Variants in DENND2B observed in about 807,000 individuals in gnomAD.
DENND2B encodes the protein DENN domain-containing protein 2B.
A neutral mutation model predicts 116.0 loss-of-function variants in DENND2B; 32 were observed. That is an observed-to-expected ratio of 0.28 (90% confidence interval 0.21 to 0.37). DENND2B has a LOEUF of 0.37. Among genes scored for constraint, DENND2B ranks in the 10% least tolerant of loss-of-function variants. The pLI is 1.00. For missense variants in DENND2B, 1,276 were observed against 1,477.7 expected, an observed-to-expected ratio of 0.86 and a Z score of 2.24; for synonymous variants, 588 against 583.9, an observed-to-expected ratio of 1.01 and a Z score of -0.10.
At chr11:8,859,683 C>T (rs2063329828) in intron 2 of DENND2B, among the ~76,000 whole-genome samples, 1 of 152,176 alleles carries the variant, frequency 6.6e-6, no homozygotes, top group African/African-American at 2.4e-5. Context: ...ACTATACTTC[C>T]TTTTAAAACA....
At chr11:8,771,661 C>T (rs1474439196) in intron 1 of DENND2B, 1 of 151,274 alleles carries the variant, frequency 6.6e-6, no homozygotes, top group East Asian at 2.0e-4. Context: ...CATAACAAGT[C>T]CCTCTACCAT....
At chr11:8,861,963 G>A (rs2063406526) in intron 2 of DENND2B, among the ~76,000 whole-genome samples, 1 of 151,976 alleles carries the variant, frequency 6.6e-6, no homozygotes, top group Non-Finnish European at 1.5e-5. Flanking sequence ...TCACTTATAG[G>A]TGGGAGCTAA....
intron 1 of DENND2B, among the ~76,000 whole-genome samples, chr11:8,751,578 G>A (rs1244248001): frequency 6.7e-6 from 1 of 148,360 alleles, no homozygotes; most frequent in Non-Finnish European, 1.5e-5. Flanking sequence ...CTACCAGAAG[G>A]AAAAAACTCC....
At chr11:8,865,442 C>CA (rs1351003127) in intron 2 of DENND2B, among the ~76,000 whole-genome samples, 1 of 152,018 alleles carries the variant, frequency 6.6e-6, no homozygotes, top group Non-Finnish European at 1.5e-5. Flanking sequence ...AAACACAAAG[C>CA]AACAAGTATA....
At chr11:8,837,732 G>A (rs979384648) in intron 4 of DENND2B, among the ~76,000 whole-genome samples, 1 of 152,040 alleles carries the variant, frequency 6.6e-6, no homozygotes, top group Admixed American at 6.6e-5. Flanking sequence ...CCACCCTCAG[G>A]GTACAAGAAT....
intron 2 of DENND2B, among the ~76,000 whole-genome samples, chr11:8,870,505 G>GTGTA (rs920589844): frequency 1.5e-5 from 2 of 134,420 alleles, no homozygotes; most frequent in African/African-American, 5.1e-5. Context: ...TGTTGTGCGT[G>GTGTA]TGTATGTGTG....
In DENND2B at chr11:8,730,825, G is replaced by A. The variant is rs1393846176; in HGVS notation, c.465C>T (p.Thr155=). The change falls in exon 3 of 20, where the codon ACC becomes ACT. Residue 155 remains threonine (T), a synonymous_variant. Coordinates refer to ENST00000313726, the MANE Select transcript of DENND2B (RefSeq NM_213618.2). The surrounding 1 kb of genome is among the most constrained non-coding windows in gnomAD (Gnocchi z 4.1). The part of the protein sequence containing the change: ...AGPRGVLLTR[T]GTRAHSLGIR... ...TGCCCAGGCTGTGGGCGCGGGTACC[G>A]GTACGGGTCAGCAAGACGCCCCGGG... is the stretch of plus-strand genomic sequence containing the variant. 3 of 1,613,202 alleles carry A rather than the reference G, an allele frequency of 1.9e-6. No individual in the cohort carries two copies. Among genetic ancestry groups the A allele is most frequent in the Admixed American group, 1.7e-5 (1 of 60,028 alleles).
intron 1 of DENND2B, among the ~76,000 whole-genome samples, chr11:8,759,944 T>C (rs1195025999): frequency 6.6e-6 from 1 of 152,188 alleles, no homozygotes; most frequent in African/African-American, 2.4e-5. Context: ...CTTCTCCGCA[T>C]GGGACTTCAA....
chr11:8,699,773 CCACAT>C lies in DENND2B; in HGVS notation c.2721-388_2721-384del. ...CAGATCGTGGGTACCCTCTCCCACC[CCACAT>C]CAGAACTAGGCAAGAGGGACAAAGA... On this transcript the variant is annotated intron_variant, in intron 14 of 19. Transcript: ENST00000313726. 5 of 443,336 alleles carry C rather than the reference CCACAT, an allele frequency of 1.1e-5. No homozygotes were observed. In the Admixed American group the frequency reaches 1.2e-4, roughly 11 times the overall value. The allele number at this position is 443,336 out of a possible 1,614,324, so 27.5% of individuals were successfully genotyped here.
chr11:8,902,305 GAC>G (rs1228834872), intron 1 of DENND2B, among the ~76,000 whole-genome samples: 1 of 144,956 alleles, frequency 6.9e-6, no homozygotes, highest in Non-Finnish European at 1.5e-5. Context: ...CAGTGTAGGT[GAC>G]AGAGTGAGAC....
At chr11:8,869,718 G>T (rs2063711456) in intron 2 of DENND2B, among the ~76,000 whole-genome samples, 1 of 151,932 alleles carries the variant, frequency 6.6e-6, no homozygotes, top group South Asian at 2.1e-4. Flanking sequence ...AAAAAGGAGG[G>T]TTACATCTAT....
upstream of DENND2B, chr11:8,810,977 G>T (rs1356858232): frequency 2.3e-5 from 6 of 261,430 alleles, no homozygotes; most frequent in Admixed American, 5.4e-5. Context: ...ACAGCTCAGA[G>T]GGGAGAAGGG....
Position 8,890,388 on chromosome 11 carries a change from G to A in DENND2B, c.-255-9279C>T, listed in dbSNP as rs537053284. On this transcript the variant is annotated intron_variant, in intron 1 of 22. Coordinates refer to the DENND2B transcript ENST00000534127. ...TCGCCAGCAACAGAACAAGCTGGAT[G>A]GAGAATGACTTTGACAAGTTGAGAG... Among the ~76,000 whole-genome samples the A allele has an allele frequency of 2.6e-5, 4 of 152,354 alleles. No individual in the cohort carries two copies. The East Asian group carries it at 7.7e-4, about 29-fold the overall frequency.
intron 4 of DENND2B, among the ~76,000 whole-genome samples, chr11:8,827,043 G>C (rs1427375960): frequency 6.6e-6 from 1 of 152,248 alleles, no homozygotes; most frequent in Admixed American, 6.5e-5. Context: ...GGAAGTCTCA[G>C]AGTGGCAAAT....
At chr11:8,832,973 G>A (rs1015814590) in intron 4 of DENND2B, among the ~76,000 whole-genome samples, 3 of 152,260 alleles carry the variant, frequency 2.0e-5, no homozygotes, top group Non-Finnish European at 4.4e-5. Context: ...AGGCAGGCAC[G>A]CAGATGTGAG....
intron 4 of DENND2B, among the ~76,000 whole-genome samples, chr11:8,725,503 T>C (rs2046943815): frequency 6.6e-6 from 1 of 152,020 alleles, no homozygotes; most frequent in Non-Finnish European, 1.5e-5. Flanking sequence ...GCCTCCCTAG[T>C]AGCTGGGATT....
chr11:8,886,467 A>G (rs1485125479), intron 1 of DENND2B, among the ~76,000 whole-genome samples: 1 of 152,044 alleles, frequency 6.6e-6, no homozygotes, highest in East Asian at 1.9e-4. Flanking sequence ...TGGAAAGGGT[A>G]AACAGAAGCA....
chr11:8,747,652 G>A (rs992204322), intron 2 of DENND2B, among the ~76,000 whole-genome samples: 1 of 152,142 alleles, frequency 6.6e-6, no homozygotes, highest in Admixed American at 6.5e-5. Context: ...AACAGCCTGT[G>A]GGGAGAGTGT....
intron 2 of DENND2B, among the ~76,000 whole-genome samples, chr11:8,732,785 C>T (rs943954543): frequency 1.3e-5 from 2 of 152,220 alleles, no homozygotes; most frequent in African/African-American, 4.8e-5. Context: ...CAGGATTTGC[C>T]AACACTGCAC....
Sources: allele counts gnomAD v4.1 joint callset (sites outside exome capture counted in the v4.1 genomes callset), GRCh38; gene constraint gnomAD v4.1.1; non-coding constraint Gnocchi (gnomAD v3.1); transcripts MANE v1.5; gene names NCBI Gene and HGNC (gene_info 2026-07-23, HGNC 2026-07-21).